The following UNC13C variants were observed in gnomAD, a reference collection of about 807,000 sequenced individuals.
UNC13C encodes unc-13 homolog C.
UNC13C carries 174 observed loss-of-function variants against 245.4 expected under a neutral mutation model. The ratio of observed to expected loss-of-function variants is 0.71; its 90% confidence interval spans 0.63 to 0.80. UNC13C has a LOEUF of 0.80. UNC13C is among the 30% of genes least tolerant of loss of function. UNC13C has a pLI of 0.00. For missense variants in UNC13C, 2,829 were observed against 2,602.9 expected (o/e 1.09, Z -1.89); for synonymous variants, 992 against 895.1 (o/e 1.11, Z -1.93).
intron 4 of UNC13C, among the ~76,000 whole-genome samples, chr15:54,174,693 A>G (rs898828171): frequency 3.9e-5 from 6 of 152,192 alleles, no homozygotes; most frequent in African/African-American, 1.4e-4. Flanking sequence ...TGGACCATAT[A>G]ATAACTCCAA....
chr15:53,993,947 G>C (rs990014541), intron 1 of UNC13C, among the ~76,000 whole-genome samples: 1 of 152,000 alleles, frequency 6.6e-6, no homozygotes, highest in African/African-American at 2.4e-5. Flanking sequence ...TTTGTGAGAA[G>C]GAGCTTTTGA....
the UNC13C span, among the ~76,000 whole-genome samples, chr15:53,959,104 C>T: frequency 2.0e-5 from 3 of 152,108 alleles, no homozygotes; most frequent in African/African-American, 2.4e-5. Flanking sequence ...GTTCCATCCA[C>T]GTTGCTGTAA....
the UNC13C span, among the ~76,000 whole-genome samples, chr15:53,851,013 A>AT: frequency 3.3e-5 from 5 of 151,022 alleles, no homozygotes; most frequent in Non-Finnish European, 7.4e-5. Context: ...TTATTTTTAT[A>AT]TTTCTTGGAG....
At chr15:54,300,695 TCCAGCAACCTATGGTTTAA>T (rs1225174711) in intron 13 of UNC13C, among the ~76,000 whole-genome samples, 11 of 152,152 alleles carry the variant, frequency 7.2e-5, no homozygotes, top group Non-Finnish European at 1.6e-4. Context: ...GAGGGTGGAA[TCCAGCAACCTATGGTTTAA>T]CAAGTCTTCC....
intron 7 of UNC13C, among the ~76,000 whole-genome samples, chr15:54,242,804 C>T (rs1056955625): frequency 1.8e-4 from 27 of 152,210 alleles, no homozygotes; most frequent in South Asian, 8.3e-4. Context: ...TAAGTACATA[C>T]TAAAAGTTAG....
intron 2 of UNC13C, among the ~76,000 whole-genome samples, chr15:54,141,700 C>G (rs182504208): frequency 7.9e-5 from 12 of 151,970 alleles, no homozygotes; most frequent in Admixed American, 7.9e-4. Flanking sequence ...TATTATTCTT[C>G]TGCGGTAATG....
intron 2 of UNC13C, among the ~76,000 whole-genome samples, chr15:54,018,645 T>C (rs960100483): frequency 6.6e-6 from 1 of 152,172 alleles, no homozygotes; most frequent in Non-Finnish European, 1.5e-5. Flanking sequence ...TACACCATGA[T>C]GGTGACTCTC....
chr15:54,598,936 T>G (rs1039823537), intron 30 of UNC13C, among the ~76,000 whole-genome samples: 2 of 152,182 alleles, frequency 1.3e-5, no homozygotes, highest in African/African-American at 4.8e-5. Context: ...CCTTGGCATC[T>G]GATGCTCAAC....
At chr15:53,837,892 G>A in the UNC13C span, among the ~76,000 whole-genome samples, 1 of 151,986 alleles carries the variant, frequency 6.6e-6, no homozygotes. Flanking sequence ...TCTAAGCACT[G>A]TATAGTATCT....
chr15:54,501,464 T>C (rs1330766081), intron 22 of UNC13C, among the ~76,000 whole-genome samples: 3 of 152,174 alleles, frequency 2.0e-5, no homozygotes, highest in Non-Finnish European at 2.9e-5. Flanking sequence ...TTTGACATAT[T>C]GATTTTGATA....
At chr15:54,185,784 T>TTTTTTTAAAGTTTAA (rs1202794157) in intron 4 of UNC13C, among the ~76,000 whole-genome samples, 1 of 151,148 alleles carries the variant, frequency 6.6e-6, no homozygotes, top group Non-Finnish European at 1.5e-5. Flanking sequence ...AACTTTAAAG[T>TTTTTTTAAAGTTTAA]AGTTTTTTCG....
chr15:54,461,709 G>T (rs750451684), intron 19 of UNC13C, among the ~76,000 whole-genome samples: 1 of 152,132 alleles, frequency 6.6e-6, no homozygotes, highest in Admixed American at 6.5e-5. Context: ...AAATAGACTG[G>T]CTACTCTTAG....
At chr15:53,892,849 C>T in the UNC13C span, among the ~76,000 whole-genome samples, 1 of 152,016 alleles carries the variant, frequency 6.6e-6, no homozygotes, top group African/African-American at 2.4e-5. Context: ...TTGTTATTAC[C>T]CACCTTTTGA....
At chr15:54,126,048 A>G (rs985349500) in intron 2 of UNC13C, among the ~76,000 whole-genome samples, 2 of 152,216 alleles carry the variant, frequency 1.3e-5, no homozygotes, top group African/African-American at 4.8e-5. Flanking sequence ...ATCCAAAGCA[A>G]TGCAAGAAAA....
intron 4 of UNC13C, among the ~76,000 whole-genome samples, chr15:54,205,024 T>A (rs757971449): frequency 6.6e-6 from 1 of 151,982 alleles, no homozygotes; most frequent in Non-Finnish European, 1.5e-5. Context: ...CGTAATCCCA[T>A]AATTGGGAGA....
At chr15:53,920,271 C>A in the UNC13C span, among the ~76,000 whole-genome samples, 1 of 152,098 alleles carries the variant, frequency 6.6e-6, no homozygotes, top group Non-Finnish European at 1.5e-5. Context: ...CTTTAGTCAT[C>A]AACTTAAAAA....
chr15:54,381,238 A>G lies in UNC13C; in HGVS notation c.4714-11810A>G, dbSNP rs535530819. The stretch of plus-strand genomic sequence containing the variant: ...ATTGTCCTTTAACTATTGTGTGCCC[A>G]TGGCATATTTTTGAAAATCAGGTGG... On this transcript the variant is annotated intron_variant, in intron 17 of 32. Transcript: ENST00000260323. Among the ~76,000 whole-genome samples, 13 of 152,202 alleles carry G rather than the reference A, an allele frequency of 8.5e-5. No homozygotes were observed. In the South Asian group the frequency reaches 2.5e-3, roughly 29 times the overall value.
chr15:54,518,018 G>A (rs531747), intron 24 of UNC13C, among the ~76,000 whole-genome samples: 27,354 of 152,018 alleles, frequency 0.18, 2,673 homozygotes, highest in Admixed American at 0.25. Flanking sequence ...ATAATAAGGA[G>A]AATTGAATAT....
At chr15:54,465,360 G>T (rs1386644377) in intron 19 of UNC13C, among the ~76,000 whole-genome samples, 2 of 151,966 alleles carry the variant, frequency 1.3e-5, no homozygotes, top group Non-Finnish European at 2.9e-5. Flanking sequence ...TTAAATTCAT[G>T]TATTTAAACA....
Sources: allele counts gnomAD v4.1 joint callset (sites outside exome capture counted in the v4.1 genomes callset), GRCh38; gene constraint gnomAD v4.1.1; transcripts MANE v1.5; gene names NCBI Gene and HGNC (gene_info 2026-07-23, HGNC 2026-07-21).